PPFIBP2: variants seen among roughly 807,000 people sequenced by gnomAD.
The protein encoded by PPFIBP2 is liprin-beta-2.
PPFIBP2 carries 118 observed loss-of-function variants against 118.3 expected under a neutral mutation model. The ratio of observed to expected loss-of-function variants is 1.00; its 90% CI spans 0.86 to 1.16. The LOEUF (loss-of-function observed/expected upper bound fraction) is 1.16. Ranked by LOEUF, PPFIBP2 falls within the 50% of genes most tolerant of loss-of-function variation. PPFIBP2 has a pLI of 0.00. For missense variants in PPFIBP2, 1,195 were observed against 1,073.1 expected (o/e 1.11, Z -1.59); for synonymous variants, 414 against 397.4 (o/e 1.04, Z -0.50).
chr11:7,577,011 A>G (rs1189970915), intron 3 of PPFIBP2: 2 of 152,656 alleles, frequency 1.3e-5, no homozygotes, highest in African/African-American at 4.8e-5. Flanking sequence ...CCCAGTCCCA[A>G]ATAAACTGAG....
intron 4 of PPFIBP2, among the ~76,000 whole-genome samples, chr11:7,594,277 G>GT (rs368961147): frequency 1.3e-5 from 2 of 151,280 alleles, no homozygotes; most frequent in African/African-American, 2.4e-5. Flanking sequence ...AGTGTTGTTG[G>GT]TTTTTTTTCT....
intron 1 of PPFIBP2, among the ~76,000 whole-genome samples, chr11:7,536,863 CAGGG>C (rs999726743): frequency 6.6e-5 from 10 of 152,046 alleles, no homozygotes; most frequent in Admixed American, 5.9e-4. Flanking sequence ...TGAACAGAGC[CAGGG>C]AGAGAGCCTC....
intron 12 of PPFIBP2, 41 bp from the exon 13 acceptor site, chr11:7,634,454 C>T (rs1590721730): frequency 6.7e-7 from 1 of 1,484,114 alleles, no homozygotes; most frequent in Non-Finnish European, 9.4e-7. Flanking sequence ...TAACATGTAC[C>T]TCCTTCTCAT....
intron 14 of PPFIBP2, among the ~76,000 whole-genome samples, chr11:7,636,918 A>G (rs188724052): frequency 6.6e-6 from 1 of 152,214 alleles, no homozygotes; most frequent in Admixed American, 6.5e-5. Context: ...CAGCATCCCT[A>G]ACTGTAGTGT....
chr11:7,664,162 G>A, the PPFIBP2 span, among the ~76,000 whole-genome samples: 1 of 152,184 alleles, frequency 6.6e-6, no homozygotes, highest in Admixed American at 6.5e-5. Context: ...CGGCCGTCTT[G>A]GCTCCTCCCT....
At chr11:7,623,414 A>G (rs754065928) in intron 7 of PPFIBP2, among the ~76,000 whole-genome samples, 9 of 152,216 alleles carry the variant, frequency 5.9e-5, no homozygotes, top group Non-Finnish European at 1.3e-4. Flanking sequence ...AGTAGCATAC[A>G]CAGTCAAGTA....
intron 4 of PPFIBP2, among the ~76,000 whole-genome samples, chr11:7,593,611 G>A (rs896291397): frequency 1.3e-5 from 2 of 152,196 alleles, no homozygotes; most frequent in African/African-American, 4.8e-5. Context: ...AGAGCTGTGG[G>A]TGATACAGGC....
chr11:7,564,327 A>G (rs1242808690), intron 2 of PPFIBP2, among the ~76,000 whole-genome samples: 1 of 152,192 alleles, frequency 6.6e-6, no homozygotes, highest in Non-Finnish European at 1.5e-5. Context: ...TTCAGTGTCT[A>G]CTGGGTAGAG....
the PPFIBP2 span, among the ~76,000 whole-genome samples, chr11:7,663,459 C>G: frequency 6.9e-4 from 105 of 152,224 alleles, 1 homozygote; most frequent in East Asian, 0.019. Flanking sequence ...TTAGGCTGCT[C>G]AGGGGTCAGT....
chr11:7,638,990 A>G (rs920808726), intron 14 of PPFIBP2, among the ~76,000 whole-genome samples: 1 of 152,138 alleles, frequency 6.6e-6, no homozygotes, highest in Admixed American at 6.5e-5. Flanking sequence ...AGCTCCCCCA[A>G]GGGTGTGTGT....
intron 2 of PPFIBP2, among the ~76,000 whole-genome samples, chr11:7,562,746 T>C (rs1319237064): frequency 6.6e-6 from 1 of 151,896 alleles, no homozygotes; most frequent in Non-Finnish European, 1.5e-5. Context: ...TGTAACCTTA[T>C]CTGATTCTTA....
At chr11:7,598,304 A>T (rs1174108213) in intron 5 of PPFIBP2, 1 of 297,914 alleles carries the variant, frequency 3.4e-6, no homozygotes, top group Non-Finnish European at 6.6e-6. Flanking sequence ...CCCATTTAAA[A>T]TTTTTGCTGT....
intron 4 of PPFIBP2, 63 bp from the exon 5 acceptor site, chr11:7,597,497 G>T: frequency 6.5e-7 from 1 of 1,549,670 alleles, no homozygotes; most frequent in Admixed American, 1.9e-5. Flanking sequence ...CCTGAGGTGG[G>T]GAGGCTTTCC....
chr11:7,623,153 T>C (rs953083420), intron 7 of PPFIBP2, among the ~76,000 whole-genome samples: 1 of 152,228 alleles, frequency 6.6e-6, no homozygotes, highest in Non-Finnish European at 1.5e-5. Flanking sequence ...AACATCATCC[T>C]GATTCCCTGC....
At chr11:7,641,919 G>T in intron 16 of PPFIBP2, 7 of 445,002 alleles carry the variant, frequency 1.6e-5, no homozygotes, top group South Asian at 9.7e-5. Flanking sequence ...CACAGACACA[G>T]ATGAGACTGT....
chr11:7,556,293 AAAG>A (rs1303898048), intron 2 of PPFIBP2, among the ~76,000 whole-genome samples: 1 of 152,142 alleles, frequency 6.6e-6, no homozygotes, highest in Non-Finnish European at 1.5e-5. Flanking sequence ...GTCTCTACTA[AAAG>A]TACAAAAAAT....
chr11:7,577,934 A>C (rs1856690701), intron 3 of PPFIBP2, among the ~76,000 whole-genome samples: 1 of 152,210 alleles, frequency 6.6e-6, no homozygotes, highest in Non-Finnish European at 1.5e-5. Flanking sequence ...GAGGCTCCAA[A>C]CACCGTGACC....
At chr11:7,542,333 C>T (rs1047036137) in intron 1 of PPFIBP2, among the ~76,000 whole-genome samples, 1 of 152,210 alleles carries the variant, frequency 6.6e-6, no homozygotes, top group Middle Eastern at 3.2e-3. Context: ...GAGACAGATG[C>T]CGCATTAATT....
chr11:7,649,518 C>G lies in PPFIBP2; in HGVS notation c.1999-14C>G, dbSNP rs1285322027. 3.1e-6 allele frequency: 5 copies of G among 1,613,922 alleles called. No individual in the cohort carries two copies. Among genetic ancestry groups the G allele is most frequent in the Non-Finnish European group, 4.2e-6 (5 of 1,179,956 alleles). The stretch of plus-strand genomic sequence containing the variant: ...TGGAAACTCTGGTTTATAAACCAAA[C>G]TTTCCTCTTTCAGAACGATTTACTC... On this transcript the variant is annotated splice_polypyrimidine_tract_variant and intron_variant, in intron 20 of 23. Coordinates refer to ENST00000299492, the MANE Select transcript of PPFIBP2 (RefSeq NM_003621.5).
Sources: gnomAD v4.1 joint callset for allele counts (sites outside exome capture counted in the v4.1 genomes callset) on GRCh38, gnomAD v4.1.1 for gene constraint, MANE v1.5 for transcripts, NCBI Gene and HGNC (gene_info 2026-07-23, HGNC 2026-07-21) for gene names.